Variants in GIT2 observed in about 807,000 individuals in gnomAD.
The protein encoded by GIT2 is GIT ArfGAP 2, also known as ARF GTPase-activating protein GIT2.
A neutral mutation model predicts 100.3 loss-of-function variants in GIT2; 32 were observed. That is an observed-to-expected ratio of 0.32 (90% CI 0.24 to 0.43). The LOEUF (loss-of-function observed/expected upper bound fraction) is 0.43. Ranked by LOEUF, GIT2 falls within the 20% of genes least tolerant of loss-of-function variation. The probability of loss-of-function intolerance (pLI) is 1.00; values close to 1 mark genes in which losing one functional copy is unlikely to be tolerated. For synonymous variants in GIT2, 353 were observed against 364.1 expected (o/e 0.97, Z 0.35); for missense variants, 737 against 975.1 (o/e 0.76, Z 3.25).
intron 10 of GIT2, 69 bp from the exon 11 acceptor site, chr12:109,961,444 C>A (rs1010221338): frequency 1.4e-5 from 15 of 1,050,450 alleles, no homozygotes; most frequent in Admixed American, 1.4e-4. Flanking sequence ...GGAGGCACAG[C>A]TCACGCACTA....
chr12:109,994,616 G>C (rs1468899154), intron 1 of GIT2, among the ~76,000 whole-genome samples: 1 of 152,188 alleles, frequency 6.6e-6, no homozygotes, highest in Non-Finnish European at 1.5e-5. Flanking sequence ...CAACTAAAGC[G>C]ATACAATGGA....
intron 7 of GIT2, among the ~76,000 whole-genome samples, chr12:109,972,732 G>A (rs1593086575): frequency 6.6e-6 from 1 of 151,918 alleles, no homozygotes; most frequent in East Asian, 1.9e-4. Flanking sequence ...CAAAGTGTTG[G>A]GATTACAGGC....
At chr12:109,993,184 C>T (rs1019652200) in intron 1 of GIT2, among the ~76,000 whole-genome samples, 2 of 152,084 alleles carry the variant, frequency 1.3e-5, no homozygotes, top group African/African-American at 4.8e-5. Flanking sequence ...ACTTGGCAAG[C>T]AGGATGGATC....
At chr12:109,987,102 G>A (rs1887546809) in intron 4 of GIT2, among the ~76,000 whole-genome samples, 1 of 152,070 alleles carries the variant, frequency 6.6e-6, no homozygotes, top group African/African-American at 2.4e-5. Flanking sequence ...GTAAAAGCAG[G>A]CCAGGCGCGG....
chr12:109,968,822 A>G (rs1380083454), intron 7 of GIT2, among the ~76,000 whole-genome samples: 1 of 152,042 alleles, frequency 6.6e-6, no homozygotes, highest in Non-Finnish European at 1.5e-5. Context: ...CCTGGGTTCA[A>G]GCGATTCTCA....
chr12:109,985,829 G>T (rs890920866), intron 4 of GIT2, among the ~76,000 whole-genome samples: 6 of 150,626 alleles, frequency 4.0e-5, no homozygotes, highest in Admixed American at 1.3e-4. Context: ...CTCCAGCCTG[G>T]GTAACAGAGA....
At chr12:109,961,960 G>A (rs1881198494) in intron 9 of GIT2, among the ~76,000 whole-genome samples, 1 of 152,158 alleles carries the variant, frequency 6.6e-6, no homozygotes, top group African/African-American at 2.4e-5. Context: ...TCAGAAGTAG[G>A]TTCCAGTTCT....
At chr12:109,954,593 G>A (rs1878867201) in intron 12 of GIT2, 2 of 152,020 alleles carry the variant, frequency 1.3e-5, no homozygotes, top group Non-Finnish European at 2.9e-5. Context: ...GATGAATGGT[G>A]GTTATTTAAA....
intron 16 of GIT2, among the ~76,000 whole-genome samples, chr12:109,945,035 G>A (rs921959172): frequency 1.3e-4 from 20 of 152,186 alleles, no homozygotes; most frequent in Non-Finnish European, 2.2e-4. Flanking sequence ...TAAATATGAC[G>A]TGAACATGAG....
intron 7 of GIT2, among the ~76,000 whole-genome samples, chr12:109,973,330 G>A (rs1052154055): frequency 4.6e-5 from 7 of 151,782 alleles, no homozygotes; most frequent in Non-Finnish European, 8.8e-5. Context: ...TAGTAGAGAC[G>A]GAGTTTCACC....
At chr12:109,997,387 T>TCAA (rs910359578), upstream of GIT2, 5 of 151,834 alleles carry the variant, frequency 3.3e-5, no homozygotes, top group Admixed American at 6.6e-5. Context: ...AAAAACAACT[T>TCAA]CAACAACAAC....
chr12:109,961,210 C>T (rs1880952148), intron 11 of GIT2, 68 bp downstream of exon 11: 11 of 883,984 alleles, frequency 1.2e-5, no homozygotes, highest in African/African-American at 3.3e-5. Context: ...AATAGTTTTC[C>T]TGGGAAAAAT....
At chr12:109,938,330 TG>T in intron 18 of GIT2, 49 bp downstream of exon 18, 1 of 1,356,538 alleles carries the variant, frequency 7.4e-7, no homozygotes, top group Non-Finnish European at 1.0e-6. Flanking sequence ...CATCCCTTTC[TG>T]GGCGCATAAC....
chr12:109,949,183 C>T (rs1329744971), intron 14 of GIT2, among the ~76,000 whole-genome samples: 1 of 152,234 alleles, frequency 6.6e-6, no homozygotes, highest in Admixed American at 6.5e-5. Context: ...CTGAACATTT[C>T]TACATTCCAG....
At chr12:109,988,501 C>T (rs1887803475) in intron 4 of GIT2, among the ~76,000 whole-genome samples, 1 of 151,580 alleles carries the variant, frequency 6.6e-6, no homozygotes, top group African/African-American at 2.4e-5. Context: ...GTGATTGCAC[C>T]ACTGCACTCC....
chr12:109,948,572 G>A lies in GIT2; in HGVS notation c.1393-1068C>T, dbSNP rs891714751. The A allele has an allele frequency of 4.8e-5, 66 of 1,377,272 alleles. No homozygotes were observed. The highest frequency in any genetic ancestry group is 5.8e-5 in the Non-Finnish European group (62 of 1,071,568). The allele number at this position is 1,377,272 out of a possible 1,614,324, so 85.3% of individuals were successfully genotyped here. A position where few individuals can be genotyped will look rare whatever the true frequency, so the allele number is the denominator to read the frequency against. ...GCGCAGGGTCCTTCCCTTCTGGTGC[G>A]CCTTCATCTTCCATGGACATTCTAT... On this transcript the variant is annotated intron_variant, in intron 14 of 19. Transcript: ENST00000355312. The surrounding 1 kb of genome is among the most constrained non-coding windows in gnomAD (Gnocchi z 4.3).
chr12:109,991,998 T>C, intron 1 of GIT2: 1 of 429,902 alleles, frequency 2.3e-6, no homozygotes, highest in Middle Eastern at 6.1e-4. Context: ...AGTTATCTTC[T>C]TTCTGGTTCA....
intron 16 of GIT2, among the ~76,000 whole-genome samples, chr12:109,943,494 G>A (rs1203101886): frequency 4.0e-5 from 6 of 151,732 alleles, no homozygotes; most frequent in South Asian, 4.2e-4. Flanking sequence ...GCCACCACCC[G>A]CCGCTAATTT....
At chr12:109,966,216 G>A (rs1162854907) in intron 8 of GIT2, among the ~76,000 whole-genome samples, 2 of 147,906 alleles carry the variant, frequency 1.4e-5, no homozygotes, top group East Asian at 2.1e-4. Flanking sequence ...GGCTGGTCTC[G>A]AACTCCTGAC....
Sources: allele counts gnomAD v4.1 joint callset (sites outside exome capture counted in the v4.1 genomes callset), GRCh38; gene constraint gnomAD v4.1.1; non-coding constraint Gnocchi (gnomAD v3.1); transcripts MANE v1.5; gene names NCBI Gene and HGNC (gene_info 2026-07-23, HGNC 2026-07-21).